SLC9A8: variants seen among roughly 807,000 people sequenced by gnomAD.
SLC9A8 encodes solute carrier family 9 member A8.
In SLC9A8, 48 loss-of-function variants were observed where a neutral mutation model predicts 66.6. That is an observed-to-expected ratio of 0.72 (90% CI 0.57 to 0.92). The LOEUF is 0.92. Among genes scored for constraint, SLC9A8 ranks in the 40% least tolerant of loss-of-function variants. SLC9A8 has a pLI of 0.00. For synonymous variants in SLC9A8, 274 were observed against 282.6 expected (o/e 0.97, Z 0.31); for missense variants, 599 against 747.3 (o/e 0.80, Z 2.31).
At chr20:49,877,394 G>A (rs181745439) in intron 11 of SLC9A8, among the ~76,000 whole-genome samples, 7 of 152,260 alleles carry the variant, frequency 4.6e-5, no homozygotes, top group Admixed American at 3.9e-4. Flanking sequence ...TTTATAAGGT[G>A]CTTTTTCTTA....
rs1000546911 is a variant in SLC9A8 at position 49,888,253 on chromosome 20, C to T, written c.*317C>T. The T allele has an allele frequency of 6.4e-6, 2 of 313,546 alleles. No individual in the cohort carries two copies. Among genetic ancestry groups the T allele is most frequent in the Admixed American group, 4.8e-5 (1 of 20,970 alleles). The allele number at this position is 313,546 out of a possible 1,614,324, so 19.4% of individuals were successfully genotyped here. A position where few individuals can be genotyped will look rare whatever the true frequency, so the allele number is the denominator to read the frequency against. ...CTGTGAAGCTAGGGCGCCTACCCCCCCACCCGGAGGACCCCTGCGGCCCCC... is the reference window on the plus strand; with the variant it reads ...CTGTGAAGCTAGGGCGCCTACCCCCTCACCCGGAGGACCCCTGCGGCCCCC... On this transcript the variant is annotated 3_prime_UTR_variant, in exon 16 of 16. Coordinates refer to ENST00000361573, the MANE Select transcript of SLC9A8 (RefSeq NM_015266.3).
At chr20:49,829,711 C>A in intron 3 of SLC9A8, 1 of 491,702 alleles carries the variant, frequency 2.0e-6, no homozygotes. Flanking sequence ...CTCAGGAGAG[C>A]CCAAAGGGAA....
chr20:49,813,528 G>T (rs74273888), intron 1 of SLC9A8, among the ~76,000 whole-genome samples: 1 of 152,128 alleles, frequency 6.6e-6, no homozygotes, highest in Non-Finnish European at 1.5e-5. Flanking sequence ...ATTAATTAAC[G>T]TTATTTGTGC....
chr20:49,836,437 G>A (rs140119630), intron 3 of SLC9A8, among the ~76,000 whole-genome samples: 53 of 152,214 alleles, frequency 3.5e-4, no homozygotes, highest in African/African-American at 1.2e-3. Context: ...AGGTTCCAGC[G>A]ATTCTCCTGC....
At chr20:49,854,382 G>A (rs1460668106) in intron 7 of SLC9A8, among the ~76,000 whole-genome samples, 2 of 151,134 alleles carry the variant, frequency 1.3e-5, no homozygotes, top group African/African-American at 2.4e-5. Flanking sequence ...CGCAGGAGTC[G>A]CTTGCTGTCA....
chr20:49,867,898 C>T (rs184164754), intron 10 of SLC9A8, among the ~76,000 whole-genome samples: 16 of 152,332 alleles, frequency 1.1e-4, no homozygotes, highest in African/African-American at 3.1e-4. Context: ...AGTCGCTATC[C>T]GGAGTCACAC....
intron 4 of SLC9A8, among the ~76,000 whole-genome samples, chr20:49,840,765 A>G (rs991430334): frequency 6.6e-6 from 1 of 152,108 alleles, no homozygotes; most frequent in Non-Finnish European, 1.5e-5. Context: ...TAGGCTGGAT[A>G]TAGCCTGATG....
rs772014224 is a variant in SLC9A8 at position 49,815,087 on chromosome 20, C to T, written c.106C>T (p.Pro36Ser). Residue 36 changes from proline (P) to serine (S), a missense_variant, in exon 2 of 16, where the codon CCG (proline) becomes TCG (serine). Around this residue, in one of 2 missense-constraint regions of SLC9A8, gnomAD observed 132 missense variants for 120.9 expected, o/e 1.09. Coordinates refer to ENST00000361573, the MANE Select transcript of SLC9A8 (RefSeq NM_015266.3). ...TLVVTTKLVL[P>S]TPGKPILPVQ... ...GGTTGTCACGACGAAACTGGTGCTC[C>T]CGACCCCTGGCAAGCCCATCCTCCC... 6.8e-6 allele frequency: 11 copies of T among 1,609,122 alleles called. No homozygotes were observed. Among genetic ancestry groups the T allele is most frequent in the Non-Finnish European group, 9.3e-6 (11 of 1,178,020 alleles).
intron 12 of SLC9A8, among the ~76,000 whole-genome samples, chr20:49,879,738 T>C (rs1428666516): frequency 6.6e-6 from 1 of 151,492 alleles, no homozygotes; most frequent in Non-Finnish European, 1.5e-5. Context: ...GGCAGGACAA[T>C]TGCTTGAACC....
intron 4 of SLC9A8, among the ~76,000 whole-genome samples, chr20:49,843,461 T>A (rs1408286489): frequency 6.6e-6 from 1 of 152,190 alleles, no homozygotes; most frequent in Non-Finnish European, 1.5e-5. Flanking sequence ...TTTGTAAGAA[T>A]ACATTTAGGC....
At chr20:49,884,508 G>A (rs1446036146) in intron 14 of SLC9A8, among the ~76,000 whole-genome samples, 3 of 152,064 alleles carry the variant, frequency 2.0e-5, no homozygotes, top group African/African-American at 7.2e-5. Context: ...GTCTGGACCT[G>A]TGCCACAACC....
At chr20:49,873,336 G>T (rs2089283519) in intron 10 of SLC9A8, among the ~76,000 whole-genome samples, 1 of 151,936 alleles carries the variant, frequency 6.6e-6, no homozygotes, top group Non-Finnish European at 1.5e-5. Context: ...ACAAAAATTA[G>T]CTGGGCGTGG....
At chr20:49,874,866 T>G (rs768147363) in intron 11 of SLC9A8, 45 bp downstream of exon 11, 56 of 1,287,002 alleles carry the variant, frequency 4.4e-5, no homozygotes, top group South Asian at 1.4e-4. Context: ...CACCCAGAGC[T>G]GATCTTGCTT....
intron 4 of SLC9A8, among the ~76,000 whole-genome samples, chr20:49,841,537 T>A (rs2087760489): frequency 6.6e-6 from 1 of 151,770 alleles, no homozygotes; most frequent in Non-Finnish European, 1.5e-5. Context: ...CTTAATATTT[T>A]TCTATCAACT....
At chr20:49,848,668 TTTATC>T (rs778766429) in intron 5 of SLC9A8, among the ~76,000 whole-genome samples, 4 of 152,200 alleles carry the variant, frequency 2.6e-5, no homozygotes, top group East Asian at 1.9e-4. Flanking sequence ...ACTTGAATAT[TTTATC>T]TTAAACGCTG....
At chr20:49,850,742 A>G (rs761068168) in intron 6 of SLC9A8, 68 bp from the exon 7 acceptor site, 26 of 1,589,986 alleles carry the variant, frequency 1.6e-5, no homozygotes, top group Non-Finnish European at 2.0e-5. Flanking sequence ...ATGGACATTT[A>G]AATCTTGGCT....
At chr20:49,815,726 C>T (rs2086524938) in intron 2 of SLC9A8, among the ~76,000 whole-genome samples, 1 of 150,898 alleles carries the variant, frequency 6.6e-6, no homozygotes, top group Non-Finnish European at 1.5e-5. Context: ...GCCTGGATGA[C>T]AGAGTAAGAC....
At chr20:49,825,318 TC>T (rs1436961919) in intron 3 of SLC9A8, among the ~76,000 whole-genome samples, 1 of 152,160 alleles carries the variant, frequency 6.6e-6, no homozygotes, top group Non-Finnish European at 1.5e-5. Context: ...TAGAACTCTT[TC>T]CATTCAAGGG....
intron 8 of SLC9A8, among the ~76,000 whole-genome samples, chr20:49,858,322 G>A (rs748449575): frequency 1.3e-5 from 2 of 150,566 alleles, no homozygotes; most frequent in Non-Finnish European, 3.0e-5. Context: ...TCCAATGGCA[G>A]TATTTTTTCT....
Sources: allele counts gnomAD v4.1 joint callset (sites outside exome capture counted in the v4.1 genomes callset), GRCh38; gene constraint gnomAD v4.1.1; regional missense constraint gnomAD v4.1.1; transcripts MANE v1.5; gene names NCBI Gene and HGNC (gene_info 2026-07-23, HGNC 2026-07-21).